The following BAIAP2L1 variants were observed in gnomAD, a reference collection of about 807,000 sequenced individuals.
The protein encoded by BAIAP2L1 is BAR/IMD domain containing adaptor protein 2 like 1, also known as BAR/IMD domain-containing adapter protein 2-like 1.
In BAIAP2L1, 35 loss-of-function variants were observed where a neutral mutation model predicts 66.3. The ratio of observed to expected loss-of-function variants is 0.53; its 90% CI spans 0.40 to 0.70. The LOEUF (loss-of-function observed/expected upper bound fraction) is 0.70, where lower values mean the gene tolerates loss of function less well. BAIAP2L1 is among the 30% of genes least tolerant of loss of function. BAIAP2L1 has a pLI of 0.00. For synonymous variants in BAIAP2L1, 269 were observed against 248.7 expected, an observed-to-expected ratio of 1.08 and a Z score of -0.77; for missense variants, 622 against 656.9, an observed-to-expected ratio of 0.95 and a Z score of 0.58.
At chr7:98,334,887 C>T (rs1404085269) in intron 3 of BAIAP2L1, among the ~76,000 whole-genome samples, 3 of 147,462 alleles carry the variant, frequency 2.0e-5, no homozygotes, top group East Asian at 2.1e-4. Flanking sequence ...TGGTGGCTCA[C>T]GCCTGTAATC....
At chr7:98,311,583 C>G (rs1800871430) in intron 8 of BAIAP2L1, among the ~76,000 whole-genome samples, 1 of 150,826 alleles carries the variant, frequency 6.6e-6, no homozygotes, top group South Asian at 2.1e-4. Flanking sequence ...GATAAAATTT[C>G]CAAAACAAAG....
At chr7:98,294,468 G>C (rs970843474) in intron 12 of BAIAP2L1, among the ~76,000 whole-genome samples, 1 of 152,220 alleles carries the variant, frequency 6.6e-6, no homozygotes, top group African/African-American at 2.4e-5. Context: ...AGCGTGAACA[G>C]AGCATGGCAC....
intron 3 of BAIAP2L1, among the ~76,000 whole-genome samples, chr7:98,321,201 C>A (rs1347939170): frequency 1.1e-4 from 17 of 152,106 alleles, no homozygotes; most frequent in Admixed American, 1.0e-3. Flanking sequence ...AAGCCAAGTT[C>A]TATATATCTG....
intron 3 of BAIAP2L1, among the ~76,000 whole-genome samples, chr7:98,327,305 A>C (rs569476469): frequency 1.5e-4 from 23 of 149,292 alleles, no homozygotes; most frequent in African/African-American, 5.7e-4. Context: ...AGGTTGCAGT[A>C]AGCTGAGATC....
At chr7:98,372,828 C>G (rs1250967226) in intron 1 of BAIAP2L1, among the ~76,000 whole-genome samples, 1 of 148,634 alleles carries the variant, frequency 6.7e-6, no homozygotes, top group African/African-American at 2.5e-5. Context: ...TCACTGCAAC[C>G]TCTGCCTCCT....
chr7:98,294,067 C>A lies in BAIAP2L1; in HGVS notation c.1460+7G>T, dbSNP rs369999863. 1 of 1,613,782 alleles carries A rather than the reference C, an allele frequency of 6.2e-7. No homozygotes were observed. Among genetic ancestry groups the A allele is most frequent in the South Asian group, 1.1e-5 (1 of 91,070 alleles). Reference sequence around the variant, plus strand: ...ACACTGAGGCTCACGTAGGAAGCCACGCCTACCTGAGAAAAGGCGGCTTTG... The same window carrying A: ...ACACTGAGGCTCACGTAGGAAGCCAAGCCTACCTGAGAAAAGGCGGCTTTG... On this transcript the variant is annotated splice_region_variant and intron_variant, in intron 13 of 13. Coordinates refer to ENST00000005260, the MANE Select transcript of BAIAP2L1 (RefSeq NM_018842.5).
intron 1 of BAIAP2L1, among the ~76,000 whole-genome samples, chr7:98,389,954 C>T (rs910924599): frequency 4.0e-4 from 50 of 126,284 alleles, no homozygotes; most frequent in Non-Finnish European, 5.6e-4. Context: ...CTCGCACTGT[C>T]GCCCAGGCTG....
chr7:98,294,242 C>G (rs1800091726), intron 12 of BAIAP2L1, 131 bp from the exon 13 acceptor site: 2 of 888,558 alleles, frequency 2.3e-6, no homozygotes, highest in Admixed American at 2.2e-5. Flanking sequence ...ATCCTTCCAC[C>G]TTGGCCTCCT....
chr7:98,388,632 G>A (rs1244253246), intron 1 of BAIAP2L1, among the ~76,000 whole-genome samples: 1 of 152,184 alleles, frequency 6.6e-6, no homozygotes. Context: ...TGCTCAAAGT[G>A]TAACATAAGC....
At chr7:98,366,819 C>A (rs1802398124) in intron 1 of BAIAP2L1, among the ~76,000 whole-genome samples, 1 of 152,206 alleles carries the variant, frequency 6.6e-6, no homozygotes, top group Non-Finnish European at 1.5e-5. Flanking sequence ...AGCCTCATTA[C>A]GTAGCCACAG....
At chr7:98,316,559 T>C (rs1801082045) in intron 6 of BAIAP2L1, among the ~76,000 whole-genome samples, 1 of 152,232 alleles carries the variant, frequency 6.6e-6, no homozygotes, top group South Asian at 2.1e-4. Context: ...ATAGGGCACA[T>C]GTGATAATGA....
At chr7:98,325,546 C>T (rs992493320) in intron 3 of BAIAP2L1, among the ~76,000 whole-genome samples, 8 of 151,878 alleles carry the variant, frequency 5.3e-5, no homozygotes, top group South Asian at 2.1e-4. Context: ...GGCTTGGTGG[C>T]GCGTGCCTGT....
chr7:98,380,778 C>CACCG (rs1389819126), intron 1 of BAIAP2L1, among the ~76,000 whole-genome samples: 16 of 150,010 alleles, frequency 1.1e-4, no homozygotes, highest in African/African-American at 3.4e-4. Flanking sequence ...GAACCACCAC[C>CACCG]ACCGCCACTA....
At chr7:98,379,078 G>C (rs1028841385) in intron 1 of BAIAP2L1, among the ~76,000 whole-genome samples, 2 of 152,002 alleles carry the variant, frequency 1.3e-5, no homozygotes, top group African/African-American at 2.4e-5. Context: ...ATCTGACCTC[G>C]TGGTTGGCCA....
intron 1 of BAIAP2L1, among the ~76,000 whole-genome samples, chr7:98,379,499 G>GGC (rs1213005339): frequency 6.6e-6 from 1 of 152,198 alleles, no homozygotes; most frequent in Admixed American, 6.5e-5. Flanking sequence ...AAAGCTGCCA[G>GGC]GCTCGGCCTT....
chr7:98,366,434 G>A (rs1802391273), intron 1 of BAIAP2L1, among the ~76,000 whole-genome samples: 1 of 152,076 alleles, frequency 6.6e-6, no homozygotes, highest in Non-Finnish European at 1.5e-5. Flanking sequence ...CAGCCTCTGG[G>A]GCCCCTGGGG....
rs1270306773 is a variant in BAIAP2L1 at position 98,393,106 on chromosome 7, T to C, written c.51+7696A>G. ...ACATATATACATATATACGTGTACATATATGTACACATATATGTATATATA... is the reference window on the plus strand; with the variant it reads ...ACATATATACATATATACGTGTACACATATGTACACATATATGTATATATA... On this transcript the variant is annotated intron_variant, in intron 1 of 13. Transcript: ENST00000005260. 3.4e-5 allele frequency among the ~76,000 whole-genome samples: 3 copies of C among 87,986 alleles called. 1 individual carries two copies. Among genetic ancestry groups the C allele is most frequent in the South Asian group, 8.1e-4 (2 of 2,482 alleles). The allele number at this position is 87,986 out of a possible 152,430, so 57.7% of individuals were successfully genotyped here.
In BAIAP2L1 at chr7:98,300,054, TAAAC is replaced by T. The variant is rs758987637; in HGVS notation, c.1422+4138_1422+4141del. ...AGACTCCGTCTCATAAATAAATAAATAAACAAACAAACAAATGTAAACGTCTAGT... is the reference window on the plus strand; with the variant it reads ...AGACTCCGTCTCATAAATAAATAAATAAACAAACAAATGTAAACGTCTAGT... On this transcript the variant is annotated intron_variant, in intron 12 of 13. Coordinates refer to ENST00000005260, the MANE Select transcript of BAIAP2L1 (RefSeq NM_018842.5). Among the ~76,000 whole-genome samples the T allele has an allele frequency of 8.0e-4, 121 of 152,172 alleles. 2 individuals are homozygous for T. The highest frequency in any genetic ancestry group is 3.3e-3 in the South Asian group (16 of 4,816).
chr7:98,357,250 A>T (rs923265584), intron 2 of BAIAP2L1, among the ~76,000 whole-genome samples: 1 of 149,792 alleles, frequency 6.7e-6, no homozygotes, highest in Non-Finnish European at 1.5e-5. Context: ...TGGCACATTA[A>T]TCTACTTTAG....
Sources: allele counts gnomAD v4.1 joint callset (sites outside exome capture counted in the v4.1 genomes callset), GRCh38; gene constraint gnomAD v4.1.1; transcripts MANE v1.5; gene names NCBI Gene and HGNC (gene_info 2026-07-23, HGNC 2026-07-21).